DNER: variants seen among roughly 807,000 people sequenced by gnomAD.
DNER encodes the protein delta and Notch-like epidermal growth factor-related receptor.
Under a neutral mutation model 78.2 loss-of-function variants are expected in DNER, and 33 were observed. That is an observed-to-expected ratio of 0.42 (90% CI 0.32 to 0.56). The LOEUF is 0.56. Ranked by LOEUF, DNER falls within the 20% of genes least tolerant of loss-of-function variation. DNER has a pLI of 0.11. For missense variants in DNER, 918 were observed against 975.3 expected (o/e 0.94, Z 0.78); for synonymous variants, 417 against 384.8 (o/e 1.08, Z -0.98).
At chr2:229,520,346 C>T (rs1696069799) in intron 5 of DNER, among the ~76,000 whole-genome samples, 1 of 152,146 alleles carries the variant, frequency 6.6e-6, no homozygotes, top group Admixed American at 6.6e-5. Context: ...AGCCAAGAGG[C>T]GACTAACAGG....
chr2:229,655,463 G>T (rs1698897219), intron 1 of DNER, among the ~76,000 whole-genome samples: 1 of 152,092 alleles, frequency 6.6e-6, no homozygotes, highest in South Asian at 2.1e-4. Flanking sequence ...ATTTCACCAG[G>T]TTTTCACAAG....
intron 11 of DNER, among the ~76,000 whole-genome samples, chr2:229,382,441 C>T (rs207660): frequency 0.59 from 89,581 of 151,810 alleles, 27,021 homozygotes; most frequent in African/African-American, 0.7. Flanking sequence ...GAAGTAGGTT[C>T]CAGAAGGTGG....
At chr2:229,498,382 C>T (rs1455519046) in intron 6 of DNER, among the ~76,000 whole-genome samples, 1 of 152,152 alleles carries the variant, frequency 6.6e-6, no homozygotes, top group Non-Finnish European at 1.5e-5. Flanking sequence ...GGCCCACTCT[C>T]ACCACTTCTA....
chr2:229,589,724 T>G (rs1444867893), intron 2 of DNER, among the ~76,000 whole-genome samples: 1 of 152,208 alleles, frequency 6.6e-6, no homozygotes, highest in Non-Finnish European at 1.5e-5. Context: ...GGACACTTCT[T>G]TGATAAACTT....
rs115793702 is a variant in DNER at position 229,421,331 on chromosome 2, G to A, written c.1487-3101C>T. Among the ~76,000 whole-genome samples the A allele has an allele frequency of 9.9e-3, 1,500 of 152,162 alleles. 23 individuals carry two copies. The highest frequency in any genetic ancestry group is 0.034 in the African/African-American group (1,416 of 41,498). On this transcript the variant is annotated intron_variant, in intron 8 of 12. Transcript: ENST00000341772. ...GCAAGATGTTATGCAAGATGAATAA[G>A]TTCCAGATATCTGCTGGAAAACAGT...
At chr2:229,423,595 A>G (rs940975365) in intron 8 of DNER, among the ~76,000 whole-genome samples, 2 of 149,996 alleles carry the variant, frequency 1.3e-5, no homozygotes, top group African/African-American at 2.5e-5. Flanking sequence ...AGCCTGGGAG[A>G]TAGAGCGAGA....
At chr2:229,593,121 G>C (rs923570519) in intron 1 of DNER, among the ~76,000 whole-genome samples, 1 of 152,184 alleles carries the variant, frequency 6.6e-6, no homozygotes, top group Non-Finnish European at 1.5e-5. Flanking sequence ...CAATGGATTT[G>C]TATCTGAAGA....
At chr2:229,631,142 G>A (rs565284304) in intron 1 of DNER, among the ~76,000 whole-genome samples, 21 of 152,210 alleles carry the variant, frequency 1.4e-4, no homozygotes, top group African/African-American at 5.1e-4. Context: ...TTTTCCTTTG[G>A]GTATACACCC....
At chr2:229,481,875 T>C (rs1695167518) in intron 6 of DNER, among the ~76,000 whole-genome samples, 1 of 152,218 alleles carries the variant, frequency 6.6e-6, no homozygotes, top group Admixed American at 6.5e-5. Context: ...GTGTGTGTTA[T>C]GGAAGAATTT....
At chr2:229,610,458 C>T (rs142491363) in intron 1 of DNER, among the ~76,000 whole-genome samples, 3 of 152,298 alleles carry the variant, frequency 2.0e-5, no homozygotes, top group Non-Finnish European at 4.4e-5. Context: ...CTGCAGCTGA[C>T]GTTCATGAGG....
At chr2:229,575,732 G>C (rs2052310) in intron 4 of DNER, among the ~76,000 whole-genome samples, 1 of 152,074 alleles carries the variant, frequency 6.6e-6, no homozygotes. Flanking sequence ...GGAATGCTCG[G>C]GGTATCACCA....
At position 229,714,292 on chromosome 2, in the gene DNER, C is replaced by A. The variant is rs1281656463; in HGVS notation, c.132G>T (p.Ala44=). 3 of 1,333,464 alleles carry A rather than the reference C, an allele frequency of 2.2e-6. No individual in the cohort carries two copies. Among genetic ancestry groups the A allele is most frequent in the Admixed American group, 6.9e-5 (2 of 28,836 alleles). The allele number at this position is 1,333,464 out of a possible 1,614,324, so 82.6% of individuals were successfully genotyped here. The change falls in exon 1 of 13, where the codon GCG becomes GCT. Residue 44 remains alanine (A), a synonymous_variant. Coordinates refer to ENST00000341772, the MANE Select transcript of DNER (RefSeq NM_139072.4). ...AGGGCTGCGCGGCGCACGGCCCGGG[C>A]GCAGACAGGGGCGCGGCGGGCACCG... is the stretch of plus-strand genomic sequence containing the variant. ...ANPVPAAPLS[A]PGPCAAQPCR... is the part of the protein sequence containing the mutation.
At chr2:229,589,473 T>C (rs1258533987) in intron 2 of DNER, among the ~76,000 whole-genome samples, 1 of 152,196 alleles carries the variant, frequency 6.6e-6, no homozygotes, top group East Asian at 1.9e-4. Flanking sequence ...TTCCAAAGCA[T>C]CATTACTTCA....
At chr2:229,373,830 A>G (rs1449294705) in intron 11 of DNER, among the ~76,000 whole-genome samples, 1 of 152,200 alleles carries the variant, frequency 6.6e-6, no homozygotes, top group East Asian at 1.9e-4. Context: ...TAAGTGAATT[A>G]ACATAGGAGC....
intron 1 of DNER, among the ~76,000 whole-genome samples, chr2:229,710,995 A>G (rs1444228997): frequency 1.3e-5 from 2 of 150,368 alleles, no homozygotes; most frequent in Admixed American, 6.6e-5. Context: ...ACACACACAC[A>G]CACACACACA....
At chr2:229,549,933 A>G (rs1696699357) in intron 4 of DNER, among the ~76,000 whole-genome samples, 1 of 151,886 alleles carries the variant, frequency 6.6e-6, no homozygotes, top group Non-Finnish European at 1.5e-5. Flanking sequence ...ATAATAGAGC[A>G]AATTTTGCAA....
chr2:229,630,296 C>A (rs1253004785), intron 1 of DNER, among the ~76,000 whole-genome samples: 1 of 151,838 alleles, frequency 6.6e-6, no homozygotes, highest in Non-Finnish European at 1.5e-5. Context: ...GCCAACATGG[C>A]AAAACCCTGT....
intron 1 of DNER, among the ~76,000 whole-genome samples, chr2:229,674,698 T>C (rs1324138498): frequency 6.6e-6 from 1 of 152,144 alleles, no homozygotes; most frequent in Non-Finnish European, 1.5e-5. Context: ...TATCCACAAA[T>C]AACTTTGAGC....
chr2:229,668,683 C>A lies in DNER; in HGVS notation c.276+45465G>T, dbSNP rs201267390. Among the ~76,000 whole-genome samples the A allele has an allele frequency of 8.0e-5, 12 of 149,934 alleles. No individual in the cohort carries two copies. In the East Asian group the frequency reaches 2.4e-3, roughly 30 times the overall value. ...AACCACAATGAGATACCATCTCATG[C>A]CAGTTAGAATGGAGATCATTAAAAA... On this transcript the variant is annotated intron_variant, in intron 1 of 12. Coordinates refer to ENST00000341772, the MANE Select transcript of DNER (RefSeq NM_139072.4).
Sources: allele counts gnomAD v4.1 joint callset (sites outside exome capture counted in the v4.1 genomes callset), GRCh38; gene constraint gnomAD v4.1.1; transcripts MANE v1.5; gene names NCBI Gene and HGNC (gene_info 2026-07-23, HGNC 2026-07-21).